The following GRM1 variants were observed in gnomAD, a reference collection of about 807,000 sequenced individuals.
GRM1 encodes the protein glutamate metabotropic receptor 1, also known as metabotropic glutamate receptor 1.
In GRM1, 33 loss-of-function variants were observed where a neutral mutation model predicts 90.9. That is an observed-to-expected ratio of 0.36 (90% CI 0.28 to 0.49). The LOEUF is 0.49. Ranked by LOEUF, GRM1 falls within the 20% of genes least tolerant of loss-of-function variation. GRM1 has a pLI of 0.99. For missense variants in GRM1, 1,190 were observed against 1,534.3 expected (o/e 0.78, Z 3.75); for synonymous variants, 700 against 613.2 (o/e 1.14, Z -2.09).
chr6:146,324,005 T>C (rs1412561874), intron 3 of GRM1, among the ~76,000 whole-genome samples: 1 of 152,208 alleles, frequency 6.6e-6, no homozygotes, highest in Non-Finnish European at 1.5e-5. Context: ...CCTTGTAGTA[T>C]AGTTTGAAAT....
chr6:146,140,374 T>C (rs1454483696), intron 1 of GRM1, among the ~76,000 whole-genome samples: 1 of 152,072 alleles, frequency 6.6e-6, no homozygotes, highest in African/African-American at 2.4e-5. Context: ...GCTCAAGTGA[T>C]TCTTGTGCCT....
At position 146,398,641 on chromosome 6, in the gene GRM1, T is replaced by TA. The variant is rs150248710; in HGVS notation, c.1730-122dup. 7.0e-3 allele frequency: 5,444 copies of TA among 779,864 alleles called. 167 individuals are homozygous for TA. In the East Asian group the frequency reaches 0.08, roughly 11 times the overall value. The allele number at this position is 779,864 out of a possible 1,614,324, so 48.3% of individuals were successfully genotyped here. A position where few individuals can be genotyped will look rare whatever the true frequency, so the allele number is the denominator to read the frequency against. On this transcript the variant is annotated intron_variant, in intron 6 of 7. Transcript: ENST00000282753. ...TTATTTGTGTAATAGTGTGCATTTT[T>TA]AAAAAAGCATTAAATGCTGTAAATC...
At position 146,436,295 on chromosome 6, in the gene GRM1, TGTG is replaced by T. The variant is rs1439063989; in HGVS notation, c.*1501_*1503del. ...AACTTATTTTTCAGATATTTTCTGA[TGTG>T]GAGATATGTTATTAATGAAGTGGTT... On this transcript the variant is annotated 3_prime_UTR_variant, in exon 8 of 8. Coordinates refer to ENST00000282753, the MANE Select transcript of GRM1 (RefSeq NM_001278064.2). 6.6e-6 allele frequency: 1 copy of T among 152,220 alleles called. No individual in the cohort carries two copies. Among genetic ancestry groups the T allele is most frequent in the Non-Finnish European group, 1.5e-5 (1 of 68,034 alleles). The allele number at this position is 152,220 out of a possible 1,614,324, so 9.4% of individuals were successfully genotyped here.
At chr6:146,068,709 T>C (rs908153897) in intron 1 of GRM1, among the ~76,000 whole-genome samples, 1 of 152,236 alleles carries the variant, frequency 6.6e-6, no homozygotes, top group African/African-American at 2.4e-5. Flanking sequence ...GCCTCATTTA[T>C]TTCATGAATC....
intron 1 of GRM1, among the ~76,000 whole-genome samples, chr6:146,048,377 C>T (rs570119416): frequency 6.6e-6 from 1 of 152,114 alleles, no homozygotes; most frequent in African/African-American, 2.4e-5. Context: ...GCCATCTTGG[C>T]ACAAGTGTAA....
intron 1 of GRM1, among the ~76,000 whole-genome samples, chr6:146,152,316 G>T (rs1352263853): frequency 6.6e-6 from 1 of 151,294 alleles, no homozygotes; most frequent in Non-Finnish European, 1.5e-5. Context: ...TTGGCATCAG[G>T]CCCACTTTCC....
rs116951942 is a variant in GRM1 at position 146,272,186 on chromosome 6, T to C, written c.951-32425T>C. Among the ~76,000 whole-genome samples the C allele has an allele frequency of 5.7e-3, 864 of 152,336 alleles. 5 individuals carry two copies. Among genetic ancestry groups the C allele is most frequent in the Middle Eastern group, 6.8e-3 (2 of 294 alleles). On this transcript the variant is annotated intron_variant, in intron 2 of 7. Coordinates refer to ENST00000282753, the MANE Select transcript of GRM1 (RefSeq NM_001278064.2). ...AGAAAAGATTTAAGAAAGCCCATTT[T>C]GCCAAAAATATATCATGCAAGGGTG...
chr6:146,240,946 GAC>G (rs1338195785), intron 2 of GRM1, among the ~76,000 whole-genome samples: 2 of 152,074 alleles, frequency 1.3e-5, no homozygotes, highest in South Asian at 2.1e-4. Context: ...CTGGAGAAGA[GAC>G]ACAGTTTTCA....
Position 146,386,935 on chromosome 6 carries a change from T to A in GRM1, c.1648T>A (p.Cys550Ser). 1 of 1,611,852 alleles carries A rather than the reference T, an allele frequency of 6.2e-7. No homozygotes were observed. The highest frequency in any genetic ancestry group is 8.5e-7 in the Non-Finnish European group (1 of 1,178,056). ...EVSCCWICTA[C>S]KENEYVQDEF... ...GAGCTGCTGCTGGATTTGCACGGCC[T>A]GCAAAGAGAATGAATATGTGCAAGA... The change falls in exon 6 of 8, where the codon TGC becomes AGC. Residue 550 changes from cysteine to serine, a missense_variant. Physicochemically the swap from Cys to Ser is moderately radical, Grantham distance 112. This residue lies in a region of GRM1 where 414 missense variants were observed against 598.4 expected (regional missense o/e 0.69). Coordinates refer to ENST00000282753, the MANE Select transcript of GRM1 (RefSeq NM_001278064.2).
chr6:146,246,106 T>G (rs1308514675), intron 2 of GRM1, among the ~76,000 whole-genome samples: 1 of 152,216 alleles, frequency 6.6e-6, no homozygotes, highest in African/African-American at 2.4e-5. Flanking sequence ...TGTCTCTTTG[T>G]GCTGTCTCTT....
intron 1 of GRM1, among the ~76,000 whole-genome samples, chr6:146,073,033 T>G (rs1334163743): frequency 6.6e-6 from 1 of 152,110 alleles, no homozygotes; most frequent in African/African-American, 2.4e-5. Context: ...CCTCAAACTT[T>G]CCCAGCTTCT....
intron 2 of GRM1, among the ~76,000 whole-genome samples, chr6:146,181,443 G>A (rs1013619628): frequency 2.0e-5 from 3 of 152,228 alleles, no homozygotes; most frequent in Middle Eastern, 3.4e-3. Context: ...CAATCTTCAA[G>A]TGAGAAAAGA....
At position 146,388,250 on chromosome 6, in the gene GRM1, C is replaced by T. The variant is rs891946200; in HGVS notation, c.1729+1234C>T. On this transcript the variant is annotated intron_variant, in intron 6 of 7. Transcript: ENST00000282753. ...GAAAGAGGGAGCTGAGGCCTAGAGA[C>T]GTGAAGTTGTATGGCCAAAGTCAGG... Among the ~76,000 whole-genome samples the T allele has an allele frequency of 7.2e-5, 11 of 151,920 alleles. 1 individual carries two copies. Among genetic ancestry groups the T allele is most frequent in the South Asian group, 6.2e-4 (3 of 4,828 alleles).
chr6:146,326,701 C>T (rs1784413488), intron 3 of GRM1, among the ~76,000 whole-genome samples: 1 of 152,080 alleles, frequency 6.6e-6, no homozygotes, highest in African/African-American at 2.4e-5. Flanking sequence ...CATGGCATAG[C>T]CCACATTAGC....
At chr6:146,117,224 C>A (rs1045061784) in intron 1 of GRM1, among the ~76,000 whole-genome samples, 6 of 150,440 alleles carry the variant, frequency 4.0e-5, no homozygotes, top group Non-Finnish European at 5.9e-5. Context: ...GAATTTGGAT[C>A]AAAAATTATA....
chr6:146,290,011 G>A (rs1489739876), intron 2 of GRM1, among the ~76,000 whole-genome samples: 1 of 152,142 alleles, frequency 6.6e-6, no homozygotes, highest in Admixed American at 6.5e-5. Flanking sequence ...AGAGATGTTA[G>A]GCAAAAATAA....
At chr6:146,217,133 T>C (rs886210682) in intron 2 of GRM1, among the ~76,000 whole-genome samples, 22 of 152,208 alleles carry the variant, frequency 1.4e-4, no homozygotes, top group African/African-American at 4.6e-4. Context: ...CTAGTTATAT[T>C]GATTCTTATA....
intron 2 of GRM1, among the ~76,000 whole-genome samples, chr6:146,218,554 A>G (rs924164514): frequency 2.6e-5 from 4 of 152,192 alleles, no homozygotes; most frequent in Non-Finnish European, 5.9e-5. Context: ...GATTCTGACA[A>G]AGTCAGTTAG....
rs141501720 is a variant in GRM1 at position 146,132,544 on chromosome 6, G to C, written c.701-26804G>C. ...GTGTGTGTGGGTGTGGGTGTATTTG[G>C]AATTGTCCCACATTTTATTGTGTAT... On this transcript the variant is annotated intron_variant, in intron 1 of 7. Coordinates refer to ENST00000282753, the MANE Select transcript of GRM1 (RefSeq NM_001278064.2). Among the ~76,000 whole-genome samples the C allele has an allele frequency of 3.7e-3, 569 of 152,202 alleles. 2 individuals carry two copies. The highest frequency in any genetic ancestry group is 6.8e-3 in the Middle Eastern group (2 of 294).
Sources: gnomAD v4.1 joint callset for allele counts (sites outside exome capture counted in the v4.1 genomes callset) on GRCh38, gnomAD v4.1.1 for gene constraint, gnomAD v4.1.1 regional missense constraint, MANE v1.5 for transcripts, NCBI Gene and HGNC (gene_info 2026-07-23, HGNC 2026-07-21) for gene names.